The following NALCN variants were observed in gnomAD, a reference collection of about 807,000 sequenced individuals.
NALCN encodes sodium leak channel NALCN.
In NALCN, 111 loss-of-function variants were observed where a neutral mutation model predicts 225.3. The observed-to-expected ratio is 0.49, with a 90% CI of 0.42 to 0.58. NALCN has a LOEUF of 0.58. NALCN is among the 20% of genes least tolerant of loss of function. The pLI, the probability that NALCN is intolerant of heterozygous loss-of-function variation, is 0.00. For synonymous variants in NALCN, 764 were observed against 769.0 expected (o/e 0.99, Z 0.11); for missense variants, 1,378 against 2,202.4 (o/e 0.63, Z 7.49).
At chr13:101,232,833 C>T (rs2140142015) in intron 12 of NALCN, among the ~76,000 whole-genome samples, 1 of 152,218 alleles carries the variant, frequency 6.6e-6, no homozygotes, top group South Asian at 2.1e-4. Context: ...ACAGCTTTAT[C>T]ATAAGAACTA....
In NALCN at chr13:101,237,881, C is replaced by G; in HGVS notation, c.1308G>C (p.Lys436Asn). ...TVLFDLEALL[K>N]IWCLGFTGYI... ...ATCCAGTAAATCCCAAACACCATATCTTCAGAAGTGCTTCCAAATCAAAAA... is the reference window on the plus strand; with the variant it reads ...ATCCAGTAAATCCCAAACACCATATGTTCAGAAGTGCTTCCAAATCAAAAA... Residue 436 changes from lysine to asparagine, a missense_variant, in exon 12 of 44, where the codon AAG (lysine) becomes AAC (asparagine). This residue lies in a region of NALCN where 144 missense variants were observed against 187.7 expected (regional missense o/e 0.77). Coordinates refer to ENST00000251127, the MANE Select transcript of NALCN (RefSeq NM_052867.4). 6.2e-7 allele frequency: 1 copy of G among 1,606,194 alleles called. No individual in the cohort carries two copies. The highest frequency in any genetic ancestry group is 8.5e-7 in the Non-Finnish European group (1 of 1,176,728).
chr13:101,160,723 C>T (rs2038140328), intron 15 of NALCN, among the ~76,000 whole-genome samples: 1 of 152,016 alleles, frequency 6.6e-6, no homozygotes, highest in East Asian at 1.9e-4. Flanking sequence ...CAAAGTAACT[C>T]ATCACCCTTG....
chr13:101,094,831 A>G (rs914261997), intron 28 of NALCN, among the ~76,000 whole-genome samples: 1 of 152,236 alleles, frequency 6.6e-6, no homozygotes, highest in African/African-American at 2.4e-5. Flanking sequence ...AGAAAAGAAC[A>G]TCAATTGTGA....
At chr13:101,060,449 ATTTT>A (rs55697849) in intron 41 of NALCN, among the ~76,000 whole-genome samples, 1,197 of 93,688 alleles carry the variant, frequency 0.013, 10 homozygotes, top group Non-Finnish European at 0.017. Flanking sequence ...TGGCTAATTA[ATTTT>A]TTTTTTTTTT....
chr13:101,309,115 G>C (rs1676648606), intron 7 of NALCN, among the ~76,000 whole-genome samples: 1 of 152,014 alleles, frequency 6.6e-6, no homozygotes, highest in South Asian at 2.1e-4. Flanking sequence ...TATTTCTCAA[G>C]AAAAAGCATT....
intron 14 of NALCN, among the ~76,000 whole-genome samples, chr13:101,186,635 T>C (rs190525772): frequency 2.0e-4 from 31 of 152,212 alleles, no homozygotes; most frequent in Middle Eastern, 3.4e-3. Context: ...TTAAATTATA[T>C]ATCATTTAAA....
intron 18 of NALCN, among the ~76,000 whole-genome samples, chr13:101,115,896 A>G (rs997789408): frequency 6.6e-6 from 1 of 152,166 alleles, no homozygotes; most frequent in African/African-American, 2.4e-5. Flanking sequence ...GGCTTCATAT[A>G]AAAAACTGGC....
rs2032554830 is a variant in NALCN, at chr13:101,067,932, C to A, written c.4432G>T (p.Asp1478Tyr). The A allele has an allele frequency of 6.2e-7, 1 of 1,610,576 alleles. No homozygotes were observed. Among genetic ancestry groups the A allele is most frequent in the Admixed American group, 1.7e-5 (1 of 59,784 alleles). Reference protein sequence around the residue: ...RHFQIIWNMVDDKREGVIPTF... With the variant: ...RHFQIIWNMVYDKREGVIPTF... ...CACTCCCATACCTCTCTTTTATCAT[C>A]CACCATGTTCCATATTATTTGAAAG... Residue 1478 changes from aspartate to tyrosine, a missense_variant, in exon 39 of 44, where the codon GAT (aspartate) becomes TAT (tyrosine). By Grantham distance (160) the Asp-to-Tyr change is radical (BLOSUM62 -3). This residue lies in a region of NALCN where 16 missense variants were observed against 66.7 expected (regional missense o/e 0.24). Coordinates refer to ENST00000251127, the MANE Select transcript of NALCN (RefSeq NM_052867.4).
rs117251738 is a variant in NALCN, at chr13:101,317,677, G to T, written c.800-25311C>A. On this transcript the variant is annotated intron_variant, in intron 7 of 43. Transcript: ENST00000251127. ...ATTTTGTGGTTTCTCAAACATGGACGCCCTCTCTTCCTGTTCTTTCACACC... is the reference window on the plus strand; with the variant it reads ...ATTTTGTGGTTTCTCAAACATGGACTCCCTCTCTTCCTGTTCTTTCACACC... Among the ~76,000 whole-genome samples the T allele has an allele frequency of 9.8e-3, 1,486 of 152,154 alleles. 16 individuals carry two copies. Among genetic ancestry groups the T allele is most frequent in the Middle Eastern group, 0.021 (6 of 292 alleles).
At chr13:101,226,577 T>C (rs577701548) in intron 13 of NALCN, among the ~76,000 whole-genome samples, 3 of 152,164 alleles carry the variant, frequency 2.0e-5, no homozygotes, top group Non-Finnish European at 4.4e-5. Flanking sequence ...GGCCTAATGA[T>C]GTGGCTATCA....
At chr13:101,308,966 T>C (rs1311171471) in intron 7 of NALCN, among the ~76,000 whole-genome samples, 1 of 152,188 alleles carries the variant, frequency 6.6e-6, no homozygotes, top group Non-Finnish European at 1.5e-5. Context: ...AAATGTACAA[T>C]TTAATGTCAC....
At chr13:101,120,658 T>G (rs2035931999) in intron 18 of NALCN, among the ~76,000 whole-genome samples, 1 of 152,226 alleles carries the variant, frequency 6.6e-6, no homozygotes. Context: ...GGTCACCATT[T>G]ATTTTTCTTC....
chr13:101,210,313 A>G (rs539304171), intron 13 of NALCN, among the ~76,000 whole-genome samples: 1 of 152,296 alleles, frequency 6.6e-6, no homozygotes, highest in East Asian at 1.9e-4. Context: ...TGTTAGAGAC[A>G]GTCCTCTGCA....
intron 19 of NALCN, 150 bp downstream of exon 19, chr13:101,110,975 A>G (rs1188618821): frequency 3.7e-6 from 3 of 814,868 alleles, no homozygotes; most frequent in Middle Eastern, 3.5e-4. Flanking sequence ...TAGGTGTTTC[A>G]TTATTGTAAC....
intron 41 of NALCN, among the ~76,000 whole-genome samples, chr13:101,060,656 C>T (rs1227941452): frequency 6.6e-6 from 1 of 152,012 alleles, no homozygotes; most frequent in Non-Finnish European, 1.5e-5. Context: ...ATTCTAGGCT[C>T]ATTAAGCCAA....
At chr13:101,403,592 G>C (rs73566021) in intron 1 of NALCN, among the ~76,000 whole-genome samples, 6,111 of 152,244 alleles carry the variant, frequency 0.04, 228 homozygotes, top group East Asian at 0.12. Flanking sequence ...TGTATAAAAT[G>C]AAAGCATCTA....
At chr13:101,122,127 A>G (rs1237774174) in intron 18 of NALCN, among the ~76,000 whole-genome samples, 1 of 152,112 alleles carries the variant, frequency 6.6e-6, no homozygotes, top group Non-Finnish European at 1.5e-5. Context: ...TATCATTGCC[A>G]TTACTATTAC....
intron 13 of NALCN, among the ~76,000 whole-genome samples, chr13:101,196,477 C>T (rs907511545): frequency 6.6e-6 from 1 of 152,048 alleles, no homozygotes; most frequent in Non-Finnish European, 1.5e-5. Flanking sequence ...CCAAAATTTC[C>T]ACTTTTAACA....
chr13:101,176,173 C>T, intron 15 of NALCN, 127 bp downstream of exon 15: 1 of 510,606 alleles, frequency 2.0e-6, no homozygotes, highest in South Asian at 5.6e-5. Context: ...ACCATTTTAC[C>T]ACCTTCGATA....
Sources: allele counts gnomAD v4.1 joint callset (sites outside exome capture counted in the v4.1 genomes callset), GRCh38; gene constraint gnomAD v4.1.1; regional missense constraint gnomAD v4.1.1; transcripts MANE v1.5; gene names NCBI Gene and HGNC (gene_info 2026-07-23, HGNC 2026-07-21).